The following NTM variants were observed in gnomAD, a reference collection of about 807,000 sequenced individuals.
NTM encodes neurotrimin.
In NTM, 13 loss-of-function variants were observed where a neutral mutation model predicts 42.1. The ratio of observed to expected loss-of-function variants is 0.31; its 90% CI spans 0.20 to 0.49. NTM has a LOEUF of 0.49. Among genes scored for constraint, NTM ranks in the 20% least tolerant of loss-of-function variants. The probability of loss-of-function intolerance (pLI) is 0.99; values close to 1 mark genes in which losing one functional copy is unlikely to be tolerated. For missense variants in NTM, 373 were observed against 452.8 expected, an observed-to-expected ratio of 0.82 and a Z score of 1.60; for synonymous variants, 187 against 179.2, an observed-to-expected ratio of 1.04 and a Z score of -0.35.
At chr11:132,162,370 G>A (rs751901732) in intron 3 of NTM, among the ~76,000 whole-genome samples, 1 of 149,368 alleles carries the variant, frequency 6.7e-6, no homozygotes, top group Non-Finnish European at 1.5e-5. Context: ...GGGGGACTGC[G>A]TGAGTGTGTG....
intron 1 of NTM, among the ~76,000 whole-genome samples, chr11:131,463,208 G>A (rs1200469357): frequency 6.6e-6 from 1 of 152,228 alleles, no homozygotes; most frequent in African/African-American, 2.4e-5. Flanking sequence ...AGCAGCCGGA[G>A]ATTGTAGGAT....
chr11:131,939,505 T>C (rs2059575508), intron 2 of NTM, among the ~76,000 whole-genome samples: 1 of 152,042 alleles, frequency 6.6e-6, no homozygotes, highest in African/African-American at 2.4e-5. Flanking sequence ...ACCCACATTA[T>C]CTAGTGCATG....
At chr11:131,903,919 A>G (rs2053508899) in intron 1 of NTM, among the ~76,000 whole-genome samples, 1 of 151,772 alleles carries the variant, frequency 6.6e-6, no homozygotes, top group Admixed American at 6.6e-5. Flanking sequence ...AGACCTTCTC[A>G]GTGACACACA....
At chr11:131,500,835 G>A (rs181415254) in intron 1 of NTM, among the ~76,000 whole-genome samples, 6 of 147,246 alleles carry the variant, frequency 4.1e-5, no homozygotes, top group East Asian at 2.0e-4. Context: ...GAGAACATGC[G>A]GTGTTTGGTT....
chr11:131,387,383 G>A (rs1335438471), intron 1 of NTM, among the ~76,000 whole-genome samples: 1 of 151,800 alleles, frequency 6.6e-6, no homozygotes, highest in East Asian at 1.9e-4. Context: ...ACCAAACACT[G>A]AACACTGGTG....
chr11:132,220,972 C>T (rs979666681), intron 4 of NTM, among the ~76,000 whole-genome samples: 5 of 152,088 alleles, frequency 3.3e-5, no homozygotes, highest in East Asian at 3.9e-4. Flanking sequence ...GATGTCCCAC[C>T]GCCCATCACA....
At chr11:131,661,878 C>G (rs2068139715) in intron 1 of NTM, among the ~76,000 whole-genome samples, 1 of 152,058 alleles carries the variant, frequency 6.6e-6, no homozygotes, top group Non-Finnish European at 1.5e-5. Context: ...TTCTATTTAA[C>G]AGTCTATAAA....
intron 4 of NTM, among the ~76,000 whole-genome samples, chr11:132,293,594 G>A (rs780286324): frequency 1.3e-5 from 2 of 152,112 alleles, no homozygotes; most frequent in South Asian, 2.1e-4. Context: ...AGATTTACGC[G>A]TCTACAGGAG....
chr11:132,122,262 T>C (rs779514110), intron 2 of NTM, among the ~76,000 whole-genome samples: 6 of 152,034 alleles, frequency 3.9e-5, no homozygotes, highest in Non-Finnish European at 5.9e-5. Flanking sequence ...ATGAGATAAA[T>C]AAACAAGGGA....
intron 1 of NTM, among the ~76,000 whole-genome samples, chr11:131,674,234 C>T (rs12361778): frequency 7.2e-5 from 11 of 152,232 alleles, no homozygotes; most frequent in African/African-American, 2.7e-4. Context: ...ACCGCCTACA[C>T]TGAAACTGGA....
chr11:131,523,895 G>A (rs1282166223), intron 1 of NTM, among the ~76,000 whole-genome samples: 1 of 152,106 alleles, frequency 6.6e-6, no homozygotes, highest in Non-Finnish European at 1.5e-5. Flanking sequence ...ATAGAGAAAT[G>A]GGGTGGGTGG....
At chr11:131,516,726 A>G (rs78291764) in intron 1 of NTM, among the ~76,000 whole-genome samples, 105 of 152,288 alleles carry the variant, frequency 6.9e-4, no homozygotes, top group African/African-American at 2.5e-3. Flanking sequence ...GTATTGTATT[A>G]ATTGGGCATT....
chr11:132,050,469 C>A (rs762140136), intron 2 of NTM, among the ~76,000 whole-genome samples: 9 of 152,158 alleles, frequency 5.9e-5, no homozygotes, highest in Non-Finnish European at 1.2e-4. Flanking sequence ...TTTTGTATAG[C>A]AGGCACTGTG....
chr11:131,689,061 TA>T (rs111849645), intron 1 of NTM, among the ~76,000 whole-genome samples: 5,386 of 151,484 alleles, frequency 0.036, 316 homozygotes, highest in African/African-American at 0.13. Flanking sequence ...GAGCTACCAA[TA>T]AATTGGATGT....
At chr11:132,175,428 G>C (rs143338667) in intron 3 of NTM, among the ~76,000 whole-genome samples, 1 of 152,064 alleles carries the variant, frequency 6.6e-6, no homozygotes, top group Non-Finnish European at 1.5e-5. Context: ...GTGTAAATTT[G>C]GAATATACTA....
chr11:131,569,559 CTT>C (rs1026881944), intron 1 of NTM, among the ~76,000 whole-genome samples: 23 of 146,860 alleles, frequency 1.6e-4, no homozygotes, highest in Admixed American at 1.0e-3. Flanking sequence ...CTTAACTTTT[CTT>C]TTTTTCTTCT....
chr11:131,774,780 C>T (rs1230478490), intron 1 of NTM, among the ~76,000 whole-genome samples: 3 of 152,158 alleles, frequency 2.0e-5, no homozygotes, highest in Admixed American at 6.5e-5. Context: ...CATTAACACT[C>T]TGAGTGCTGC....
At chr11:132,078,920 A>C (rs960981743) in intron 2 of NTM, among the ~76,000 whole-genome samples, 5 of 152,246 alleles carry the variant, frequency 3.3e-5, no homozygotes, top group African/African-American at 1.2e-4. Flanking sequence ...AATAAGGAGA[A>C]GTCCAACTTT....
intron 5 of NTM, among the ~76,000 whole-genome samples, chr11:132,309,499 C>T (rs1038492751): frequency 3.9e-5 from 6 of 152,092 alleles, no homozygotes; most frequent in African/African-American, 1.4e-4. Flanking sequence ...ACTGTCAACC[C>T]GTGGAGTGTA....
Sources: allele counts gnomAD v4.1 joint callset (sites outside exome capture counted in the v4.1 genomes callset), GRCh38; gene constraint gnomAD v4.1.1; transcripts MANE v1.5; gene names NCBI Gene and HGNC (gene_info 2026-07-23, HGNC 2026-07-21).